Variants in LPIN1 observed in about 807,000 individuals in gnomAD.
LPIN1 encodes phosphatidate phosphatase LPIN1.
Under a neutral mutation model 107.5 loss-of-function variants are expected in LPIN1, and 71 were observed. The observed-to-expected ratio is 0.66, with a 90% CI of 0.55 to 0.80. The LOEUF is 0.80. Ranked by LOEUF, LPIN1 falls within the 30% of genes least tolerant of loss-of-function variation. The probability of loss-of-function intolerance (pLI) is 0.00; values close to 1 mark genes in which losing one functional copy is unlikely to be tolerated. For missense variants in LPIN1, 1,043 were observed against 1,160.6 expected (o/e 0.90, Z 1.47); for synonymous variants, 445 against 452.6 (o/e 0.98, Z 0.21).
intron 1 of LPIN1, among the ~76,000 whole-genome samples, chr2:11,685,054 T>C (rs1234262233): frequency 6.6e-6 from 1 of 151,164 alleles, no homozygotes; most frequent in Non-Finnish European, 1.5e-5. Flanking sequence ...AAAAAGAAAA[T>C]GGGGAAAGGC....
intron 1 of LPIN1, among the ~76,000 whole-genome samples, chr2:11,733,219 T>C (rs189005289): frequency 7.2e-5 from 11 of 152,266 alleles, no homozygotes; most frequent in African/African-American, 2.2e-4. Context: ...AGTATTCCTT[T>C]TGAAACTAGA....
rs544331315 is a variant in LPIN1 at position 11,781,929 on chromosome 2, T to C, written c.958-272T>C. Among the ~76,000 whole-genome samples, 6 of 152,390 alleles carry C rather than the reference T, an allele frequency of 3.9e-5. 1 individual carries two copies. Among genetic ancestry groups the C allele is most frequent in the African/African-American group, 1.4e-4 (6 of 41,598 alleles). On this transcript the variant is annotated intron_variant, in intron 7 of 20. Coordinates refer to ENST00000674199, the MANE Select transcript of LPIN1 (RefSeq NM_001349206.2). ...CCAGTGTGTGTGAAAAGACTTGTAA[T>C]CTAACAGCATTTAGGGTGCTCCTGC...
chr2:11,808,907 A>G (rs1033403619), intron 17 of LPIN1, among the ~76,000 whole-genome samples: 9 of 151,962 alleles, frequency 5.9e-5, no homozygotes, highest in African/African-American at 1.9e-4. Flanking sequence ...GAGAGAGAGA[A>G]AAAGCCAATC....
At chr2:11,710,437 T>A (rs1663349364) in intron 1 of LPIN1, among the ~76,000 whole-genome samples, 1 of 150,528 alleles carries the variant, frequency 6.6e-6, no homozygotes. Context: ...GGAATGTGGC[T>A]CTGGCAGCCA....
chr2:11,740,704 GGAAGA>G (rs1558777977), intron 1 of LPIN1, among the ~76,000 whole-genome samples: 1 of 97,658 alleles, frequency 1.0e-5, no homozygotes, highest in Non-Finnish European at 2.0e-5. Context: ...AAAAAAAAAA[GGAAGA>G]AAGAAAGAAA....
intron 12 of LPIN1, 140 bp downstream of exon 12, chr2:11,788,596 C>A: frequency 1.4e-6 from 1 of 725,396 alleles, no homozygotes; most frequent in Non-Finnish European, 2.4e-6. Flanking sequence ...AGCATACAGG[C>A]CAGGAGTTTC....
chr2:11,802,142 T>G (rs1036224093), intron 14 of LPIN1, among the ~76,000 whole-genome samples: 1 of 152,180 alleles, frequency 6.6e-6, no homozygotes, highest in Non-Finnish European at 1.5e-5. Flanking sequence ...AAGATAGTGG[T>G]CCTGGGAGGC....
intron 1 of LPIN1, among the ~76,000 whole-genome samples, chr2:11,695,029 C>T (rs959894672): frequency 6.6e-6 from 1 of 152,124 alleles, no homozygotes; most frequent in Admixed American, 6.5e-5. Context: ...AACCAAGGCC[C>T]CAGGTGGTCA....
intron 1 of LPIN1, among the ~76,000 whole-genome samples, chr2:11,761,497 C>T (rs755293141): frequency 2.0e-5 from 3 of 152,112 alleles, no homozygotes; most frequent in African/African-American, 4.8e-5. Flanking sequence ...CTTGTTTCCT[C>T]GGTTGAGAGA....
rs765771807 is a variant in LPIN1 at position 11,779,505 on chromosome 2, G to A, written c.831-14G>A. On this transcript the variant is annotated splice_polypyrimidine_tract_variant and intron_variant, in intron 6 of 20. Coordinates refer to ENST00000674199, the MANE Select transcript of LPIN1 (RefSeq NM_001349206.2). ...CTTTTCCCACCTTAATTTTCGCTTT[G>A]TGTTTTCCTTAAGTCCTTCCGGTTC... 6.2e-7 allele frequency: 1 copy of A among 1,612,760 alleles called. No individual in the cohort carries two copies. Among genetic ancestry groups the A allele is most frequent in the East Asian group, 2.2e-5 (1 of 44,864 alleles).
At chr2:11,683,826 C>T (rs997819894) in intron 1 of LPIN1, among the ~76,000 whole-genome samples, 1 of 152,166 alleles carries the variant, frequency 6.6e-6, no homozygotes, top group African/African-American at 2.4e-5. Context: ...CATCCAGGTG[C>T]CCTGGCTTGG....
At chr2:11,807,512 A>ATT (rs557625077) in intron 17 of LPIN1, among the ~76,000 whole-genome samples, 18 of 140,660 alleles carry the variant, frequency 1.3e-4, no homozygotes, top group Middle Eastern at 3.6e-3. Context: ...TTGCTTTTTA[A>ATT]TTTTTTTTTT....
intron 1 of LPIN1, among the ~76,000 whole-genome samples, chr2:11,761,827 C>A (rs936325537): frequency 2.0e-5 from 3 of 152,120 alleles, no homozygotes. Context: ...TATAAAAGAA[C>A]AAACAAACCA....
chr2:11,739,158 TG>T (rs59447987), intron 1 of LPIN1, among the ~76,000 whole-genome samples: 5,505 of 142,106 alleles, frequency 0.039, 331 homozygotes, highest in African/African-American at 0.15. Context: ...TCAGCCCCTC[TG>T]GGGGAAAGCC....
chr2:11,814,957 T>G, intron 17 of LPIN1, 131 bp from the exon 18 acceptor site: 1 of 808,438 alleles, frequency 1.2e-6, no homozygotes, highest in African/African-American at 1.7e-5. Context: ...TTTTGTAGAA[T>G]GTGGACTTTT....
intron 1 of LPIN1, among the ~76,000 whole-genome samples, chr2:11,728,018 C>G (rs1380229585): frequency 6.6e-6 from 1 of 152,102 alleles, no homozygotes; most frequent in East Asian, 1.9e-4. Context: ...ACACTTTTTG[C>G]CAGAGTCACT....
In LPIN1 at chr2:11,765,035, A is replaced by T. The variant is rs1019270724; in HGVS notation, c.-9-498A>T. Among the ~76,000 whole-genome samples, 2 of 152,036 alleles carry T rather than the reference A, an allele frequency of 1.3e-5. No individual in the cohort carries two copies. The highest frequency in any genetic ancestry group is 2.4e-5 in the African/African-American group (1 of 41,386). ...GGGTGATAGGCCGTGATGGGCCATG[A>T]TGGGCTGTGATGGATCCTGATGGGC... On this transcript the variant is annotated intron_variant, in intron 1 of 20. Transcript: ENST00000674199. The surrounding 1 kb of genome is among the most constrained non-coding windows in gnomAD (Gnocchi z 4.4).
At chr2:11,711,723 T>A (rs904132029) in intron 1 of LPIN1, among the ~76,000 whole-genome samples, 1 of 152,212 alleles carries the variant, frequency 6.6e-6, no homozygotes, top group African/African-American at 2.4e-5. Context: ...TGTCCCACTG[T>A]CATCACCTTG....
At chr2:11,795,386 T>C in intron 13 of LPIN1, 22 bp from the exon 14 acceptor site, 1 of 1,606,084 alleles carries the variant, frequency 6.2e-7, no homozygotes, top group Non-Finnish European at 8.5e-7. Context: ...CTTCTGTGAC[T>C]CTTTCTTTTC....
Sources: allele counts gnomAD v4.1 joint callset (sites outside exome capture counted in the v4.1 genomes callset), GRCh38; gene constraint gnomAD v4.1.1; non-coding constraint Gnocchi (gnomAD v3.1); transcripts MANE v1.5; gene names NCBI Gene and HGNC (gene_info 2026-07-23, HGNC 2026-07-21).